The following LMTK2 variants were observed in gnomAD, a reference collection of about 807,000 sequenced individuals.
The protein encoded by LMTK2 is serine/threonine-protein kinase LMTK2.
Under a neutral mutation model 127.5 loss-of-function variants are expected in LMTK2, and 37 were observed. The ratio of observed to expected loss-of-function variants is 0.29; its 90% CI spans 0.22 to 0.38. LMTK2 has a LOEUF of 0.38. LMTK2 is among the 10% of genes least tolerant of loss of function. The pLI, the probability that LMTK2 is intolerant of heterozygous loss-of-function variation, is 1.00. For synonymous variants in LMTK2, 819 were observed against 810.1 expected (o/e 1.01, Z -0.19); for missense variants, 1,694 against 1,920.3 (o/e 0.88, Z 2.20).
At position 98,194,245 on chromosome 7, in the gene LMTK2, C is replaced by T. The variant is rs1451210422; in HGVS notation, c.3780C>T (p.Asp1260=). ...HSEGPKLKEP[D]IEGKYLGKLG... ...AGGGCCCGAAGTTGAAGGAGCCGGACATCGAAGGGAAGTACCTGGGGAAAC... is the reference window on the plus strand; with the variant it reads ...AGGGCCCGAAGTTGAAGGAGCCGGATATCGAAGGGAAGTACCTGGGGAAAC... Residue 1260 remains aspartate (D), a synonymous_variant, in exon 11 of 14, where the codon GAC becomes GAT. Transcript: ENST00000297293. This position sits in a 1 kb window ranked among gnomAD's most constrained non-coding sequence, Gnocchi z 5.4. 7 of 1,614,048 alleles carry T rather than the reference C, an allele frequency of 4.3e-6. No homozygotes were observed. The highest frequency in any genetic ancestry group is 4.2e-6 in the Non-Finnish European group (5 of 1,180,044).
chr7:98,132,754 A>G (rs571024630), intron 1 of LMTK2, among the ~76,000 whole-genome samples: 5 of 152,272 alleles, frequency 3.3e-5, no homozygotes, highest in Non-Finnish European at 7.4e-5. Flanking sequence ...AATATTGATC[A>G]TCATTTCTTT....
In LMTK2 at chr7:98,194,629, T is replaced by G; in HGVS notation, c.4107+57T>G. ...ACATCCATATAAGGATTCCAAAATG[T>G]GCTAGGAAATTGAGTGTGGTCTGTT... On this transcript the variant is annotated intron_variant, in intron 11 of 13. Transcript: ENST00000297293. This position sits in a 1 kb window ranked among gnomAD's most constrained non-coding sequence, Gnocchi z 5.4. 1 of 1,442,386 alleles carries G rather than the reference T, an allele frequency of 6.9e-7. No homozygotes were observed. Among genetic ancestry groups the G allele is most frequent in the Non-Finnish European group, 9.3e-7 (1 of 1,077,102 alleles). The allele number at this position is 1,442,386 out of a possible 1,614,324, so 89.3% of individuals were successfully genotyped here.
chr7:98,164,893 A>T (rs1797071453), intron 6 of LMTK2, among the ~76,000 whole-genome samples: 1 of 152,168 alleles, frequency 6.6e-6, no homozygotes, highest in Non-Finnish European at 1.5e-5. Flanking sequence ...CCCGGAGCAG[A>T]TGATACTGTG....
chr7:98,125,968 C>A (rs1247771352), intron 1 of LMTK2, among the ~76,000 whole-genome samples: 1 of 152,190 alleles, frequency 6.6e-6, no homozygotes, highest in Non-Finnish European at 1.5e-5. Flanking sequence ...TACTTCCTCT[C>A]TGAAGAGAGA....
In LMTK2 at chr7:98,186,920, G is replaced by T. The variant is rs1797445352; in HGVS notation, c.920G>T (p.Arg307Leu). The T allele has an allele frequency of 1.2e-6, 2 of 1,613,418 alleles. No homozygotes were observed. Among genetic ancestry groups the T allele is most frequent in the Non-Finnish European group, 1.7e-6 (2 of 1,179,480 alleles). The change falls in exon 9 of 14, where the codon CGA becomes CTA. Residue 307 changes from arginine to leucine, a missense_variant. Coordinates refer to ENST00000297293, the MANE Select transcript of LMTK2 (RefSeq NM_014916.4). ...GATGATAAAAAAGTTTTCCCTCTGC[G>T]ATGGACTGCTCCAGAATTAGTAACC... ...ETDDKKVFPL[R>L]WTAPELVTSF...
intron 1 of LMTK2, among the ~76,000 whole-genome samples, chr7:98,125,628 A>G (rs765843137): frequency 9.9e-5 from 15 of 152,162 alleles, no homozygotes; most frequent in Non-Finnish European, 2.9e-5. Context: ...TGGGCTGGAT[A>G]CCTGAGTATC....
intron 11 of LMTK2, among the ~76,000 whole-genome samples, chr7:98,199,216 G>A (rs1267074590): frequency 6.6e-6 from 1 of 152,028 alleles, no homozygotes; most frequent in Non-Finnish European, 1.5e-5. Flanking sequence ...TTCTATAAAT[G>A]TCAGATTTAA....
Position 98,106,933 on chromosome 7 carries a change from C to T in LMTK2, c.-245C>T. On this transcript the variant is annotated 5_prime_UTR_variant, in exon 1 of 14. Coordinates refer to ENST00000297293, the MANE Select transcript of LMTK2 (RefSeq NM_014916.4). ...GCCCGCCGCTCCGCAGGGCTGCTGGCGTTGCTGCTGTTGAGAGGCGGCGGC... is the reference window on the plus strand; with the variant it reads ...GCCCGCCGCTCCGCAGGGCTGCTGGTGTTGCTGCTGTTGAGAGGCGGCGGC... 2.2e-6 allele frequency: 1 copy of T among 460,790 alleles called. No homozygotes were observed. 28.5% of individuals were successfully genotyped at this position (460,790 alleles called of 1,614,324 possible).
chr7:98,158,039 C>T (rs553648900), intron 5 of LMTK2, among the ~76,000 whole-genome samples: 165 of 152,298 alleles, frequency 1.1e-3, no homozygotes, highest in Middle Eastern at 3.4e-3. Flanking sequence ...TACCAGGCCT[C>T]TCTCTGCTGT....
intron 1 of LMTK2, among the ~76,000 whole-genome samples, chr7:98,132,192 A>C (rs1175536889): frequency 6.6e-6 from 1 of 152,202 alleles, no homozygotes; most frequent in African/African-American, 2.4e-5. Flanking sequence ...GCTCATGATG[A>C]TACCACAAAA....
chr7:98,152,470 AACC>A (rs1325121338), intron 4 of LMTK2, among the ~76,000 whole-genome samples: 3 of 152,118 alleles, frequency 2.0e-5, no homozygotes, highest in Non-Finnish European at 2.9e-5. Flanking sequence ...CATTCAGCAA[AACC>A]TGTTACGTAG....
At chr7:98,197,589 A>G (rs1337830327) in intron 11 of LMTK2, among the ~76,000 whole-genome samples, 1 of 152,236 alleles carries the variant, frequency 6.6e-6, no homozygotes, top group Admixed American at 6.5e-5. Flanking sequence ...ACAGTAGCTC[A>G]TTCCCATAAT....
At position 98,193,514 on chromosome 7, in the gene LMTK2, A is replaced by G. The variant is rs1584294838; in HGVS notation, c.3049A>G (p.Thr1017Ala). ...EALLDSLGSH[T>A]PQKLVPPDKP... ...GCTACTGGACTCTTTAGGATCTCACACTCCCCAGAAACTAGTGCCCCCCGA... is the reference window on the plus strand; with the variant it reads ...GCTACTGGACTCTTTAGGATCTCACGCTCCCCAGAAACTAGTGCCCCCCGA... The change falls in exon 11 of 14, where the codon ACT (threonine) becomes GCT (alanine). Residue 1017 changes from threonine (T) to alanine (A), a missense_variant. By Grantham distance (58) the Thr-to-Ala change is moderately conservative. Transcript: ENST00000297293. This position sits in a 1 kb window ranked among gnomAD's most constrained non-coding sequence, Gnocchi z 4.1. 1.2e-6 allele frequency: 2 copies of G among 1,613,586 alleles called. No homozygotes were observed. The highest frequency in any genetic ancestry group is 1.3e-5 in the African/African-American group (1 of 74,826).
intron 2 of LMTK2, among the ~76,000 whole-genome samples, chr7:98,137,772 C>T (rs1375286740): frequency 6.6e-6 from 1 of 152,202 alleles, no homozygotes; most frequent in Non-Finnish European, 1.5e-5. Context: ...AACCACTTGC[C>T]TGTGGTGAGT....
intron 1 of LMTK2, among the ~76,000 whole-genome samples, chr7:98,120,727 T>TTCCCCGGA (rs1796348800): frequency 6.6e-6 from 1 of 152,184 alleles, no homozygotes; most frequent in South Asian, 2.1e-4. Context: ...CAGCGGTTGC[T>TTCCCCGGA]TCCCCGGATC....
Position 98,193,374 on chromosome 7 carries a change from C to T in LMTK2, c.2909C>T (p.Ser970Leu), listed in dbSNP as rs749109580. 3.1e-6 allele frequency: 5 copies of T among 1,614,202 alleles called. No homozygotes were observed. Among genetic ancestry groups the T allele is most frequent in the South Asian group, 1.1e-5 (1 of 91,088 alleles). The part of the protein sequence containing the change: ...KEAGLVSALS[S>L]DSTSQDSLLE... ...GCAGGCTTGGTGTCTGCCCTCTCCT[C>T]GGACTCAACCAGTCAGGACAGCCTC... Residue 970 changes from serine to leucine, a missense_variant, in exon 11 of 14, where the codon TCG becomes TTG. Ser to Leu is a moderately radical substitution (Grantham distance 145, BLOSUM62 -2). Around this residue, in one of 8 missense-constraint regions of LMTK2, gnomAD observed 527 missense variants for 539.8 expected, o/e 0.98. Coordinates refer to ENST00000297293, the MANE Select transcript of LMTK2 (RefSeq NM_014916.4). This position sits in a 1 kb window ranked among gnomAD's most constrained non-coding sequence, Gnocchi z 4.1.
At position 98,190,853 on chromosome 7, in the gene LMTK2, T is replaced by C; in HGVS notation, c.1124T>C (p.Leu375Pro). Residue 375 changes from leucine (L) to proline (P), a missense_variant, in exon 10 of 14, where the codon CTG (leucine) becomes CCG (proline). Transcript: ENST00000297293. ...ERDTKLPKPQ[L>P]EQPYSDRWYE... ...GACACAAAACTCCCGAAGCCCCAGC[T>C]GGAGCAGCCCTACTCTGATAGATGG... The C allele has an allele frequency of 6.2e-7, 1 of 1,614,192 alleles. No homozygotes were observed. The highest frequency in any genetic ancestry group is 1.1e-5 in the South Asian group (1 of 91,078).
intron 3 of LMTK2, among the ~76,000 whole-genome samples, chr7:98,144,034 C>T (rs1198460593): frequency 6.6e-6 from 1 of 152,188 alleles, no homozygotes; most frequent in Non-Finnish European, 1.5e-5. Flanking sequence ...AGCAATTCTA[C>T]AAGTTCTACC....
intron 1 of LMTK2, among the ~76,000 whole-genome samples, chr7:98,122,726 G>A (rs919763108): frequency 0.074 from 1,044 of 14,196 alleles, 24 homozygotes; most frequent in African/African-American, 0.17. Context: ...GTGTGTGTGT[G>A]TATATATATA....
Sources: gnomAD v4.1 joint callset for allele counts (sites outside exome capture counted in the v4.1 genomes callset) on GRCh38, gnomAD v4.1.1 for gene constraint, gnomAD v4.1.1 regional missense constraint, Gnocchi (gnomAD v3.1) non-coding constraint, MANE v1.5 for transcripts, NCBI Gene and HGNC (gene_info 2026-07-23, HGNC 2026-07-21) for gene names.